Variants in CCDC6 observed in about 807,000 individuals in gnomAD.
The protein encoded by CCDC6 is coiled-coil domain-containing protein 6.
In CCDC6, 20 loss-of-function variants were observed where a neutral mutation model predicts 56.6. The ratio of observed to expected loss-of-function variants is 0.35; its 90% CI spans 0.25 to 0.51. The LOEUF is 0.51. Among genes scored for constraint, CCDC6 ranks in the 20% least tolerant of loss-of-function variants. The probability of loss-of-function intolerance (pLI) is 0.95; values close to 1 mark genes in which losing one functional copy is unlikely to be tolerated. For missense variants in CCDC6, 367 were observed against 601.1 expected, an observed-to-expected ratio of 0.61 and a Z score of 4.07; for synonymous variants, 241 against 234.4, an observed-to-expected ratio of 1.03 and a Z score of -0.26.
chr10:59,891,463 G>A (rs1328555732), intron 1 of CCDC6, among the ~76,000 whole-genome samples: 1 of 152,224 alleles, frequency 6.6e-6, no homozygotes, highest in Non-Finnish European at 1.5e-5. Context: ...ATGGAAAGCA[G>A]TAAAGCCTAC....
chr10:59,843,308 C>T (rs2070958890), intron 2 of CCDC6, among the ~76,000 whole-genome samples: 1 of 152,216 alleles, frequency 6.6e-6, no homozygotes, highest in African/African-American at 2.4e-5. Context: ...GGACAGAAGA[C>T]AGTTTTCTTT....
chr10:59,824,153 T>C (rs1480218068), intron 3 of CCDC6, among the ~76,000 whole-genome samples: 1 of 152,226 alleles, frequency 6.6e-6, no homozygotes, highest in Non-Finnish European at 1.5e-5. Flanking sequence ...TTTTTCTATT[T>C]AATTGAAATT....
intron 1 of CCDC6, among the ~76,000 whole-genome samples, chr10:59,857,664 C>T (rs141380902): frequency 1.9e-4 from 29 of 151,844 alleles, no homozygotes; most frequent in African/African-American, 7.0e-4. Context: ...CAAGATAACA[C>T]ATTTGCACAG....
intron 2 of CCDC6, among the ~76,000 whole-genome samples, chr10:59,837,622 T>G (rs1168380055): frequency 2.0e-5 from 3 of 151,888 alleles, no homozygotes; most frequent in Non-Finnish European, 4.4e-5. Context: ...GGCATGTGCC[T>G]GTAGTCCCAG....
intron 1 of CCDC6, among the ~76,000 whole-genome samples, chr10:59,862,527 A>T (rs2071140311): frequency 1.1e-5 from 1 of 92,988 alleles, no homozygotes; most frequent in South Asian, 3.0e-4. Flanking sequence ...ACACACACAC[A>T]CACACACACA....
At chr10:59,883,377 G>T (rs1278969328) in intron 1 of CCDC6, among the ~76,000 whole-genome samples, 1 of 152,068 alleles carries the variant, frequency 6.6e-6, no homozygotes, top group Non-Finnish European at 1.5e-5. Context: ...CAAAGGTATT[G>T]CAGAATCAAA....
At chr10:59,879,343 G>A (rs1255674512) in intron 1 of CCDC6, among the ~76,000 whole-genome samples, 3 of 152,126 alleles carry the variant, frequency 2.0e-5, no homozygotes, top group Non-Finnish European at 4.4e-5. Context: ...ATAAACTATA[G>A]ATTTATGAAA....
chr10:59,788,843 A>G lies in CCDC6; in HGVS notation c.*4074T>C, dbSNP rs191105560. ...ACTAATCAACATAAAGGAGTAAATA[A>G]GACATTAATTGAAAGTCTTACATCT... On this transcript the variant is annotated 3_prime_UTR_variant, in exon 9 of 9. Transcript: ENST00000263102. 1.7e-4 allele frequency: 34 copies of G among 200,312 alleles called. No homozygotes were observed. The highest frequency in any genetic ancestry group is 1.7e-3 in the Middle Eastern group (1 of 576). 12.4% of individuals were successfully genotyped at this position (200,312 alleles called of 1,614,324 possible). A position where few individuals can be genotyped will look rare whatever the true frequency, so the allele number is the denominator to read the frequency against.
At chr10:59,876,068 G>GTTTTTTTT (rs1564754305) in intron 1 of CCDC6, among the ~76,000 whole-genome samples, 3 of 8,516 alleles carry the variant, frequency 3.5e-4, no homozygotes, top group African/African-American at 5.4e-4. Flanking sequence ...TGCATGCACA[G>GTTTTTTTT]ATGTCTTTTT....
rs180942101 is a variant in CCDC6, at chr10:59,792,015, C to T, written c.*902G>A. The stretch of plus-strand genomic sequence containing the variant: ...ATTTTGCACCTTTAAAATATTTGTT[C>T]AAACTCTATTTTAAGAGAACACAAA... On this transcript the variant is annotated 3_prime_UTR_variant, in exon 9 of 9. Transcript: ENST00000263102. 2 of 223,164 alleles carry T rather than the reference C, an allele frequency of 9.0e-6. No homozygotes were observed. Among genetic ancestry groups the T allele is most frequent in the African/African-American group, 2.2e-5 (1 of 44,738 alleles). The allele number at this position is 223,164 out of a possible 1,614,324, so 13.8% of individuals were successfully genotyped here.
intron 1 of CCDC6, among the ~76,000 whole-genome samples, chr10:59,885,470 C>A (rs2071374815): frequency 1.3e-5 from 2 of 152,154 alleles, no homozygotes; most frequent in South Asian, 4.1e-4. Flanking sequence ...GCCAACATTA[C>A]CCCTTGAATT....
chr10:59,905,804 CCCAGCCACGCCG>C (rs2071539704), intron 1 of CCDC6, among the ~76,000 whole-genome samples: 1 of 152,216 alleles, frequency 6.6e-6, no homozygotes, highest in Non-Finnish European at 1.5e-5. Context: ...TACCCCGCCC[CCCAGCCACGCCG>C]CCAGCCTCCA....
At chr10:59,889,718 G>T (rs2071407729) in intron 1 of CCDC6, among the ~76,000 whole-genome samples, 1 of 152,170 alleles carries the variant, frequency 6.6e-6, no homozygotes, top group Non-Finnish European at 1.5e-5. Context: ...GGATGGAAGG[G>T]AGAACTCAGA....
chr10:59,828,387 C>T (rs539630878), intron 3 of CCDC6, among the ~76,000 whole-genome samples: 9 of 152,244 alleles, frequency 5.9e-5, no homozygotes, highest in Admixed American at 2.6e-4. Context: ...TTTTTTACAT[C>T]TGCTTATAAA....
intron 5 of CCDC6, among the ~76,000 whole-genome samples, chr10:59,809,419 C>T (rs182047967): frequency 1.3e-5 from 2 of 152,258 alleles, no homozygotes; most frequent in East Asian, 1.9e-4. Context: ...CTGCAGTGAT[C>T]GGCTGGGAAG....
In CCDC6 at chr10:59,883,776, G is replaced by A. The variant is rs1308550875; in HGVS notation, c.303+22346C>T. On this transcript the variant is annotated intron_variant, in intron 1 of 8. Coordinates refer to ENST00000263102, the MANE Select transcript of CCDC6 (RefSeq NM_005436.5). ...ACTATATTTGAGAACAGAGGGCTAA[G>A]ATCCCTATCACATATACTGATGGTG... Among the ~76,000 whole-genome samples, 3 of 152,320 alleles carry A rather than the reference G, an allele frequency of 2.0e-5. No individual in the cohort carries two copies. The East Asian group carries it at 5.8e-4, about 29-fold the overall frequency.
intron 7 of CCDC6, among the ~76,000 whole-genome samples, chr10:59,798,852 G>T: frequency 7.8e-6 from 1 of 127,828 alleles, no homozygotes; most frequent in African/African-American, 3.4e-5. Flanking sequence ...AACTAGGTGG[G>T]CGTGGTGGTT....
intron 1 of CCDC6, among the ~76,000 whole-genome samples, chr10:59,895,996 T>C (rs12572828): frequency 0.19 from 29,516 of 152,130 alleles, 3,688 homozygotes; most frequent in Middle Eastern, 0.32. Flanking sequence ...CAATACTCCA[T>C]GTGTATTGTC....
chr10:59,794,742 G>A lies in CCDC6; in HGVS notation c.1106-145C>T, dbSNP rs879012619. On this transcript the variant is annotated intron_variant, in intron 7 of 8. Transcript: ENST00000263102. ...AAGAATGATGGGCTCACTAAATGGT[G>A]TGGATAACAAGGGAAATAAATGTTA... The A allele has an allele frequency of 6.4e-5, 42 of 654,100 alleles. 3 individuals carry two copies. The Admixed American group carries it at 9.7e-4, about 15-fold the overall frequency. The allele number at this position is 654,100 out of a possible 1,614,324, so 40.5% of individuals were successfully genotyped here.
Sources: allele counts gnomAD v4.1 joint callset (sites outside exome capture counted in the v4.1 genomes callset), GRCh38; gene constraint gnomAD v4.1.1; transcripts MANE v1.5; gene names NCBI Gene and HGNC (gene_info 2026-07-23, HGNC 2026-07-21).